Variants in KHDRBS2 observed in about 807,000 individuals in gnomAD.
KHDRBS2 encodes the protein KH RNA binding domain containing, signal transduction associated 2, also known as KH domain-containing, RNA-binding, signal transduction-associated protein 2.
A neutral mutation model predicts 44.3 loss-of-function variants in KHDRBS2; 26 were observed. That is an observed-to-expected ratio of 0.59 (90% CI 0.43 to 0.81). The LOEUF (loss-of-function observed/expected upper bound fraction) is 0.81, where lower values mean the gene tolerates loss of function less well. Among genes scored for constraint, KHDRBS2 ranks in the 40% least tolerant of loss-of-function variants. The pLI is 0.00. For missense variants in KHDRBS2, 476 were observed against 433.1 expected (o/e 1.10, Z -0.88); for synonymous variants, 194 against 151.1 (o/e 1.28, Z -2.08).
intron 8 of KHDRBS2, 85 bp downstream of exon 8, chr6:61,697,110 G>C (rs1424092543): frequency 3.2e-6 from 3 of 932,482 alleles, no homozygotes; most frequent in Admixed American, 3.5e-5. Context: ...GAAAAACTAG[G>C]GGGAGAAAGA....
chr6:62,037,502 T>G (rs1390601010), intron 3 of KHDRBS2, among the ~76,000 whole-genome samples: 3 of 151,462 alleles, frequency 2.0e-5, no homozygotes, highest in Non-Finnish European at 4.4e-5. Flanking sequence ...GGAAAAAATA[T>G]TCCATAAGAG....
intron 3 of KHDRBS2, among the ~76,000 whole-genome samples, chr6:62,016,614 A>G (rs1438173413): frequency 6.7e-6 from 1 of 149,150 alleles, no homozygotes; most frequent in Non-Finnish European, 1.5e-5. Context: ...ACACATAGGT[A>G]TAATATATAT....
At chr6:61,776,062 T>C (rs1017607502) in intron 6 of KHDRBS2, among the ~76,000 whole-genome samples, 12 of 152,148 alleles carry the variant, frequency 7.9e-5, no homozygotes, top group Admixed American at 3.3e-4. Context: ...ATTTAATAAA[T>C]GGTGCTGGGA....
At chr6:62,131,625 T>G (rs934578843) in intron 2 of KHDRBS2, among the ~76,000 whole-genome samples, 1 of 152,124 alleles carries the variant, frequency 6.6e-6, no homozygotes, top group East Asian at 1.9e-4. Flanking sequence ...GAAATAGATA[T>G]CCTCCCCTTA....
At chr6:61,820,992 G>T (rs532082978) in intron 6 of KHDRBS2, among the ~76,000 whole-genome samples, 18 of 152,116 alleles carry the variant, frequency 1.2e-4, no homozygotes, top group African/African-American at 4.3e-4. Context: ...TGTGTGAGGA[G>T]AATTTCACTC....
At chr6:61,910,799 T>A (rs746658985) in intron 4 of KHDRBS2, among the ~76,000 whole-genome samples, 7 of 152,184 alleles carry the variant, frequency 4.6e-5, no homozygotes, top group Non-Finnish European at 8.8e-5. Flanking sequence ...TAGATAATAT[T>A]AAACGACAGA....
intron 6 of KHDRBS2, among the ~76,000 whole-genome samples, chr6:61,812,759 C>A (rs542539771): frequency 2.6e-5 from 4 of 152,060 alleles, no homozygotes; most frequent in Admixed American, 2.0e-4. Flanking sequence ...ACATTCCTTA[C>A]AAGGAAACAA....
the KHDRBS2 span, among the ~76,000 whole-genome samples, chr6:61,633,222 A>AG: frequency 2.6e-5 from 4 of 152,030 alleles, no homozygotes; most frequent in East Asian, 1.9e-4. Context: ...ATAGAGAAAC[A>AG]GGGGGGGAAA....
At chr6:62,030,763 T>C (rs1784203142) in intron 3 of KHDRBS2, among the ~76,000 whole-genome samples, 1 of 152,104 alleles carries the variant, frequency 6.6e-6, no homozygotes, top group Admixed American at 6.6e-5. Flanking sequence ...TAAATGTCCT[T>C]GTGCTTTAAC....
intron 7 of KHDRBS2, among the ~76,000 whole-genome samples, chr6:61,721,323 C>T (rs1380693505): frequency 3.3e-5 from 5 of 151,992 alleles, no homozygotes; most frequent in Admixed American, 6.6e-5. Context: ...AAGAAAGTCA[C>T]TGGTAGCTTG....
At chr6:62,039,550 T>A (rs1786031520) in intron 3 of KHDRBS2, among the ~76,000 whole-genome samples, 1 of 152,008 alleles carries the variant, frequency 6.6e-6, no homozygotes, top group Non-Finnish European at 1.5e-5. Flanking sequence ...AAATAAATAA[T>A]GTAATGGGCA....
chr6:61,642,891 T>C, the KHDRBS2 span, among the ~76,000 whole-genome samples: 2 of 152,082 alleles, frequency 1.3e-5, no homozygotes, highest in Non-Finnish European at 2.9e-5. Context: ...ATAGTTTTGG[T>C]TCATTAAAGA....
intron 3 of KHDRBS2, among the ~76,000 whole-genome samples, chr6:62,015,871 G>T (rs1158849298): frequency 6.6e-6 from 1 of 152,092 alleles, no homozygotes; most frequent in African/African-American, 2.4e-5. Context: ...AATCACAAAG[G>T]TTAAATTGTT....
At chr6:61,873,781 G>A (rs1799002352) in intron 6 of KHDRBS2, among the ~76,000 whole-genome samples, 1 of 151,974 alleles carries the variant, frequency 6.6e-6, no homozygotes, top group Non-Finnish European at 1.5e-5. Flanking sequence ...CATAGTATGA[G>A]TCTCTTCTTT....
intron 2 of KHDRBS2, among the ~76,000 whole-genome samples, chr6:62,100,592 G>T (rs1296963618): frequency 6.6e-6 from 1 of 152,048 alleles, no homozygotes; most frequent in Non-Finnish European, 1.5e-5. Context: ...AACCACTACC[G>T]TTTTCAGTCA....
At chr6:61,982,941 G>T (rs549807394) in intron 3 of KHDRBS2, among the ~76,000 whole-genome samples, 2 of 151,884 alleles carry the variant, frequency 1.3e-5, no homozygotes, top group South Asian at 4.2e-4. Flanking sequence ...TTGAATTGAT[G>T]ATACTTTTAT....
intron 1 of KHDRBS2, among the ~76,000 whole-genome samples, chr6:62,230,535 C>T (rs1344728263): frequency 6.6e-6 from 1 of 152,126 alleles, no homozygotes; most frequent in East Asian, 1.9e-4. Flanking sequence ...GAAGTTAGAG[C>T]CCCACTCCCA....
intron 6 of KHDRBS2, among the ~76,000 whole-genome samples, chr6:61,812,005 A>G (rs917457970): frequency 6.6e-6 from 1 of 152,088 alleles, no homozygotes; most frequent in Non-Finnish European, 1.5e-5. Context: ...ATTATTGTAA[A>G]AAGTTAATGA....
At chr6:62,159,399 C>T (rs1369697660) in intron 2 of KHDRBS2, among the ~76,000 whole-genome samples, 1 of 152,124 alleles carries the variant, frequency 6.6e-6, no homozygotes, top group East Asian at 1.9e-4. Context: ...AATATTGAGC[C>T]TCTTTCGGAG....
Sources: allele counts gnomAD v4.1 joint callset (sites outside exome capture counted in the v4.1 genomes callset), GRCh38; gene constraint gnomAD v4.1.1; transcripts MANE v1.5; gene names NCBI Gene and HGNC (gene_info 2026-07-23, HGNC 2026-07-21).